Variants in RAD54L2 observed in about 807,000 individuals in gnomAD.
RAD54L2 encodes RAD54 like 2, also known as helicase ARIP4.
Under a neutral mutation model 138.4 loss-of-function variants are expected in RAD54L2, and 27 were observed. That is an observed-to-expected ratio of 0.20 (90% CI 0.14 to 0.27). The LOEUF (loss-of-function observed/expected upper bound fraction) is 0.27, where lower values mean the gene tolerates loss of function less well. Among genes scored for constraint, RAD54L2 ranks in the 10% least tolerant of loss-of-function variants. RAD54L2 has a pLI of 1.00. For synonymous variants in RAD54L2, 644 were observed against 723.2 expected, an observed-to-expected ratio of 0.89 and a Z score of 1.76; for missense variants, 1,396 against 1,890.2, an observed-to-expected ratio of 0.74 and a Z score of 4.85.
intron 3 of RAD54L2, among the ~76,000 whole-genome samples, chr3:51,622,306 C>T (rs183437654): frequency 1.3e-5 from 2 of 152,158 alleles, no homozygotes; most frequent in African/African-American, 2.4e-5. Context: ...GGCTCACACA[C>T]GCAGTACATT....
intron 3 of RAD54L2, among the ~76,000 whole-genome samples, chr3:51,599,709 A>C (rs1326298430): frequency 1.4e-5 from 2 of 144,704 alleles, no homozygotes; most frequent in African/African-American, 2.6e-5. Flanking sequence ...TTGTAGGTGT[A>C]CCCCACCACA....
intron 21 of RAD54L2, among the ~76,000 whole-genome samples, chr3:51,659,421 C>G (rs970954918): frequency 3.3e-5 from 5 of 152,110 alleles, no homozygotes; most frequent in Admixed American, 6.6e-5. Context: ...CTATCTGGCT[C>G]TTGTAAAAAA....
At chr3:51,609,467 A>G (rs1700281241) in intron 3 of RAD54L2, among the ~76,000 whole-genome samples, 1 of 152,196 alleles carries the variant, frequency 6.6e-6, no homozygotes, top group South Asian at 2.1e-4. Flanking sequence ...TATCATCATT[A>G]AGGTTCTGAA....
intron 2 of RAD54L2, among the ~76,000 whole-genome samples, chr3:51,557,180 CTTTT>C (rs58428110): frequency 2.6e-5 from 3 of 113,352 alleles, no homozygotes; most frequent in Non-Finnish European, 5.2e-5. Flanking sequence ...TTGTTGTTGG[CTTTT>C]TTTTTTTTTT....
At chr3:51,606,394 G>C (rs1345757502) in intron 3 of RAD54L2, among the ~76,000 whole-genome samples, 1 of 152,126 alleles carries the variant, frequency 6.6e-6, no homozygotes, top group East Asian at 1.9e-4. Flanking sequence ...AGATTCTTAG[G>C]TATACTCTTT....
intron 2 of RAD54L2, among the ~76,000 whole-genome samples, chr3:51,583,461 C>G (rs572728142): frequency 4.0e-5 from 6 of 151,316 alleles, no homozygotes; most frequent in Admixed American, 4.0e-4. Context: ...CTCTTCTTGC[C>G]CAGACTAGAG....
chr3:51,646,537 C>A (rs1287291572), intron 19 of RAD54L2, 56 bp downstream of exon 19: 2 of 1,438,786 alleles, frequency 1.4e-6, no homozygotes, highest in Admixed American at 4.9e-5. Flanking sequence ...CACCTTTCAA[C>A]TTGTTCATAT....
rs753018798 is a variant in RAD54L2, at chr3:51,637,112, A to G, written c.1340-49A>G. ...ACCCCTACTTCTCATATTATTGACT[A>G]AGAGCAGGCCCTGTCACCCTCTGAC... is the stretch of plus-strand genomic sequence containing the variant. On this transcript the variant is annotated intron_variant, in intron 10 of 22. Transcript: ENST00000684192. This position sits in a 1 kb window ranked among gnomAD's most constrained non-coding sequence, Gnocchi z 5.9. The G allele has an allele frequency of 2.7e-6, 4 of 1,474,898 alleles. No homozygotes were observed. In the South Asian group the frequency reaches 3.6e-5, roughly 13 times the overall value. The allele number at this position is 1,474,898 out of a possible 1,614,324, so 91.4% of individuals were successfully genotyped here.
At chr3:51,600,933 C>T (rs934469644) in intron 3 of RAD54L2, among the ~76,000 whole-genome samples, 43 of 152,152 alleles carry the variant, frequency 2.8e-4, no homozygotes, top group African/African-American at 9.9e-4. Flanking sequence ...CGCCACTGTA[C>T]TCCAGCCTCA....
intron 7 of RAD54L2, among the ~76,000 whole-genome samples, chr3:51,631,736 C>T (rs947302501): frequency 1.1e-4 from 16 of 152,116 alleles, no homozygotes; most frequent in African/African-American, 3.9e-4. Context: ...TCCCTGGGCT[C>T]AGGTGATCCT....
intron 3 of RAD54L2, among the ~76,000 whole-genome samples, chr3:51,625,983 C>T (rs1365523333): frequency 6.6e-6 from 1 of 151,874 alleles, no homozygotes; most frequent in Non-Finnish European, 1.5e-5. Flanking sequence ...TGGATGGGGT[C>T]CTGTAACAGA....
chr3:51,641,366 C>A (rs1701131938), intron 14 of RAD54L2, among the ~76,000 whole-genome samples: 2 of 150,350 alleles, frequency 1.3e-5, no homozygotes, highest in Non-Finnish European at 2.9e-5. Flanking sequence ...GTTGCCCAGG[C>A]TGGAGTGCAA....
chr3:51,603,679 CAA>C (rs1700122734), intron 3 of RAD54L2, among the ~76,000 whole-genome samples: 1 of 152,056 alleles, frequency 6.6e-6, no homozygotes, highest in Non-Finnish European at 1.5e-5. Context: ...GAAAAATAAA[CAA>C]ATGAATAAAT....
At position 51,561,630 on chromosome 3, in the gene RAD54L2, C is replaced by T. The variant is rs113934608; in HGVS notation, c.-55+19980C>T. ...ACCCTGGAGTGCAGTGTTGCAATCA[C>T]GGCTCACTGCAGCCTCAACCTCCCA... is the stretch of plus-strand genomic sequence containing the variant. On this transcript the variant is annotated intron_variant, in intron 2 of 22. Coordinates refer to ENST00000684192, the MANE Select transcript of RAD54L2 (RefSeq NM_015106.4). Among the ~76,000 whole-genome samples, 939 of 151,442 alleles carry T rather than the reference C, an allele frequency of 6.2e-3. 6 individuals carry two copies. The highest frequency in any genetic ancestry group is 0.021 in the African/African-American group (880 of 41,260).
chr3:51,607,424 G>A (rs1224436679), intron 3 of RAD54L2, among the ~76,000 whole-genome samples: 1 of 152,154 alleles, frequency 6.6e-6, no homozygotes, highest in African/African-American at 2.4e-5. Context: ...GGGGTTGGGG[G>A]TAAGGTTATA....
At chr3:51,584,863 T>C (rs1577403863) in intron 2 of RAD54L2, among the ~76,000 whole-genome samples, 1 of 152,026 alleles carries the variant, frequency 6.6e-6, no homozygotes, top group African/African-American at 2.4e-5. Flanking sequence ...TGGAGTACAG[T>C]GGTACAGTCA....
intron 2 of RAD54L2, among the ~76,000 whole-genome samples, chr3:51,566,147 A>G (rs1474886684): frequency 6.6e-6 from 1 of 152,152 alleles, no homozygotes; most frequent in Non-Finnish European, 1.5e-5. Context: ...CTTTATGTCT[A>G]GTAGTTTGAC....
rs962283495 is a variant in RAD54L2, at chr3:51,629,303, C to A, written c.342-31C>A. ...TTACATTGCCCAAATCTTAATTGAACCCAAGTGCTGTCTCTTATGTGAATG... is the reference window on the plus strand; with the variant it reads ...TTACATTGCCCAAATCTTAATTGAAACCAAGTGCTGTCTCTTATGTGAATG... On this transcript the variant is annotated intron_variant, in intron 4 of 22. Transcript: ENST00000684192. The A allele has an allele frequency of 3.2e-6, 5 of 1,564,546 alleles. No individual in the cohort carries two copies. In the African/African-American group the frequency reaches 5.4e-5, roughly 17 times the overall value.
intron 2 of RAD54L2, among the ~76,000 whole-genome samples, chr3:51,570,782 A>G (rs938049082): frequency 5.3e-5 from 8 of 152,214 alleles, no homozygotes; most frequent in Non-Finnish European, 1.2e-4. Context: ...ATGTTTTGTC[A>G]TTGGCGTGGT....
Sources: allele counts gnomAD v4.1 joint callset (sites outside exome capture counted in the v4.1 genomes callset), GRCh38; gene constraint gnomAD v4.1.1; non-coding constraint Gnocchi (gnomAD v3.1); transcripts MANE v1.5; gene names NCBI Gene and HGNC (gene_info 2026-07-23, HGNC 2026-07-21).